DYNLL1: variants seen among roughly 807,000 people sequenced by gnomAD.
DYNLL1 encodes dynein light chain 1, cytoplasmic.
Under a neutral mutation model 10.1 loss-of-function variants are expected in DYNLL1, and 3 were observed. The ratio of observed to expected loss-of-function variants is 0.30; its 90% CI spans 0.14 to 0.77. The LOEUF (loss-of-function observed/expected upper bound fraction) is 0.77. Ranked by LOEUF, DYNLL1 falls within the 30% of genes least tolerant of loss-of-function variation. DYNLL1 has a pLI of 0.66. For missense variants in DYNLL1, 47 were observed against 111.7 expected, an observed-to-expected ratio of 0.42 and a Z score of 2.61; for synonymous variants, 46 against 41.2, an observed-to-expected ratio of 1.12 and a Z score of -0.45.
At chr12:120,476,109 G>A (rs911599519) in intron 1 of DYNLL1, among the ~76,000 whole-genome samples, 5 of 138,310 alleles carry the variant, frequency 3.6e-5, no homozygotes, top group Non-Finnish European at 8.3e-5. Flanking sequence ...GGTGTGAAAA[G>A]ATTAATAACA....
intron 1 of DYNLL1, among the ~76,000 whole-genome samples, chr12:120,483,174 C>A (rs1237541862): frequency 6.6e-6 from 1 of 151,554 alleles, no homozygotes; most frequent in African/African-American, 2.4e-5. Flanking sequence ...CCCGTCTCTA[C>A]TAAAAATACA....
intron 1 of DYNLL1, among the ~76,000 whole-genome samples, chr12:120,489,585 C>T (rs866835993): frequency 6.6e-6 from 1 of 152,184 alleles, no homozygotes; most frequent in Non-Finnish European, 1.5e-5. Context: ...CCTCTAACTG[C>T]TCCCACCTCT....
chr12:120,482,862 T>G (rs1671762), intron 1 of DYNLL1, among the ~76,000 whole-genome samples: 40,893 of 151,718 alleles, frequency 0.27, 6,613 homozygotes, highest in Admixed American at 0.39. Context: ...GAGGATTGCT[T>G]GAGTCCATGA....
chr12:120,479,449 CAAAAAAAA>C (rs71076617), intron 1 of DYNLL1, among the ~76,000 whole-genome samples: 14 of 76,116 alleles, frequency 1.8e-4, no homozygotes, highest in Admixed American at 8.3e-4. Context: ...ACTCCGTCTC[CAAAAAAAA>C]AAAAAAAAAA....
At chr12:120,480,057 A>T (rs572415195) in intron 1 of DYNLL1, among the ~76,000 whole-genome samples, 2 of 152,296 alleles carry the variant, frequency 1.3e-5, no homozygotes, top group East Asian at 3.9e-4. Context: ...TGTGAATAGC[A>T]AAAGGATGCT....
Position 120,473,895 on chromosome 12 carries a change from G to A in DYNLL1, c.-7+3791G>A, listed in dbSNP as rs543637349. 1.8e-4 allele frequency among the ~76,000 whole-genome samples: 28 copies of A among 151,698 alleles called. 1 individual carries two copies. The South Asian group carries it at 4.4e-3, about 24-fold the overall frequency. ...TGAGGTGGGAGGACTGCTTGAGCCT[G>A]GGAGGTTGAAGCTGTAGTTAGCCAT... On this transcript the variant is annotated intron_variant, in intron 1 of 2. Coordinates refer to the DYNLL1 transcript ENST00000392509.
chr12:120,494,457 G>A (rs1443329894), upstream of DYNLL1, among the ~76,000 whole-genome samples: 1 of 151,778 alleles, frequency 6.6e-6, no homozygotes, highest in African/African-American at 2.4e-5. Context: ...TGTATTTTTA[G>A]TAGAGATGGG....
intron 1 of DYNLL1, among the ~76,000 whole-genome samples, chr12:120,481,904 A>G (rs974229729): frequency 6.6e-6 from 1 of 152,222 alleles, no homozygotes; most frequent in Non-Finnish European, 1.5e-5. Context: ...GGGGCAGTGC[A>G]GTGGCATGAT....
intron 1 of DYNLL1, among the ~76,000 whole-genome samples, chr12:120,486,723 TAG>T (rs1312108541): frequency 6.6e-6 from 1 of 152,028 alleles, no homozygotes; most frequent in Admixed American, 6.6e-5. Context: ...CCTCCTGCCT[TAG>T]CCTCCCAAAG....
At chr12:120,479,139 G>A (rs1382219328) in intron 1 of DYNLL1, among the ~76,000 whole-genome samples, 7 of 148,952 alleles carry the variant, frequency 4.7e-5, no homozygotes, top group African/African-American at 1.5e-4. Context: ...ACAGCAACCT[G>A]GGTGACAGAG....
chr12:120,497,842 C>A, intron 2 of DYNLL1: 1 of 531,708 alleles, frequency 1.9e-6, no homozygotes, highest in Non-Finnish European at 3.3e-6. Flanking sequence ...TAGGGCTGAC[C>A]TTTCGTCCTT....
chr12:120,489,105 G>T (rs999478959), intron 1 of DYNLL1, among the ~76,000 whole-genome samples: 3 of 152,084 alleles, frequency 2.0e-5, no homozygotes, highest in African/African-American at 7.2e-5. Context: ...CATAGTAAAC[G>T]CTCAGAGAAT....
intron 1 of DYNLL1, among the ~76,000 whole-genome samples, chr12:120,483,463 T>C (rs1220509022): frequency 6.6e-6 from 1 of 152,018 alleles, no homozygotes; most frequent in Admixed American, 6.6e-5. Context: ...TATACACAAG[T>C]CAAGGAAAAC....
upstream of DYNLL1, chr12:120,492,095 A>C (rs1879148035): frequency 1.3e-5 from 2 of 152,022 alleles, no homozygotes; most frequent in Middle Eastern, 3.2e-3. The surrounding 1 kb of genome is among the most constrained non-coding windows in gnomAD (Gnocchi z 4.1). Context: ...ATCTCTTTGA[A>C]CCTCATTTTC....
At chr12:120,474,554 C>A (rs989759549) in intron 1 of DYNLL1, among the ~76,000 whole-genome samples, 1 of 152,112 alleles carries the variant, frequency 6.6e-6, no homozygotes, top group African/African-American at 2.4e-5. Flanking sequence ...CCAAACACCA[C>A]CTGTTCCCCA....
chr12:120,481,658 C>T (rs1878881811), intron 1 of DYNLL1, among the ~76,000 whole-genome samples: 1 of 152,202 alleles, frequency 6.6e-6, no homozygotes, highest in African/African-American at 2.4e-5. Flanking sequence ...CCTCCCAGCA[C>T]ATCAATGCGT....
intron 1 of DYNLL1, among the ~76,000 whole-genome samples, chr12:120,477,846 G>T (rs907672509): frequency 6.6e-6 from 1 of 152,096 alleles, no homozygotes; most frequent in Non-Finnish European, 1.5e-5. Context: ...GCCCAGGCTG[G>T]AGTGCAATGG....
chr12:120,497,891 G>A, intron 2 of DYNLL1, 182 bp from the exon 3 acceptor site: 1 of 608,744 alleles, frequency 1.6e-6, no homozygotes, highest in Non-Finnish European at 2.8e-6. Context: ...CGCTCAGACT[G>A]CAAGTATGTT....
intron 1 of DYNLL1, among the ~76,000 whole-genome samples, chr12:120,474,493 T>G (rs1878714858): frequency 6.7e-6 from 1 of 148,364 alleles, no homozygotes; most frequent in Non-Finnish European, 1.5e-5. Flanking sequence ...GATGAGTGCA[T>G]GAAAATCTCA....
Sources: gnomAD v4.1 joint callset for allele counts (sites outside exome capture counted in the v4.1 genomes callset) on GRCh38, gnomAD v4.1.1 for gene constraint, Gnocchi (gnomAD v3.1) non-coding constraint, MANE v1.5 for transcripts, NCBI Gene and HGNC (gene_info 2026-07-23, HGNC 2026-07-21) for gene names.